The following FGD3 variants were observed in gnomAD, a reference collection of about 807,000 sequenced individuals.
FGD3 encodes FYVE, RhoGEF and PH domain containing 3, also known as FYVE, RhoGEF and PH domain-containing protein 3.
Under a neutral mutation model 71.8 loss-of-function variants are expected in FGD3, and 45 were observed. That is an observed-to-expected ratio of 0.63 (90% CI 0.49 to 0.80). The LOEUF (loss-of-function observed/expected upper bound fraction) is 0.80. Among genes scored for constraint, FGD3 ranks in the 30% least tolerant of loss-of-function variants. The probability of loss-of-function intolerance (pLI) is 0.00; values close to 1 mark genes in which losing one functional copy is unlikely to be tolerated. For synonymous variants in FGD3, 378 were observed against 392.8 expected (o/e 0.96, Z 0.44); for missense variants, 844 against 951.5 (o/e 0.89, Z 1.49).
At chr9:93,029,611 T>G (rs181182190) in intron 14 of FGD3, among the ~76,000 whole-genome samples, 3 of 152,218 alleles carry the variant, frequency 2.0e-5, no homozygotes, top group Non-Finnish European at 4.4e-5. Flanking sequence ...ATAAAGTCAT[T>G]GGCCAAGTTG....
Position 93,004,188 on chromosome 9 carries a change from CA to C in FGD3, c.680+52del, listed in dbSNP as rs1267547714. 3.1e-6 allele frequency: 5 copies of C among 1,605,210 alleles called. No homozygotes were observed. The South Asian group carries it at 5.5e-5, about 18-fold the overall frequency. On this transcript the variant is annotated intron_variant, in intron 5 of 17. Coordinates refer to ENST00000375482, the MANE Select transcript of FGD3 (RefSeq NM_001083536.2). The stretch of plus-strand genomic sequence containing the variant: ...GGGGCCCCTCAAGTGTTCTCTAGAC[CA>C]GGGTTCATGTGCCTGAGAGCGAGGC...
At chr9:93,025,155 C>T (rs1564170008) in intron 14 of FGD3, among the ~76,000 whole-genome samples, 1 of 152,210 alleles carries the variant, frequency 6.6e-6, no homozygotes, top group East Asian at 1.9e-4. Context: ...ACCGCCTGCC[C>T]CACTCCCTTT....
chr9:93,012,910 A>G (rs1004806356), intron 8 of FGD3, among the ~76,000 whole-genome samples: 3 of 151,234 alleles, frequency 2.0e-5, no homozygotes, highest in African/African-American at 7.3e-5. Flanking sequence ...CCCTCCCAGT[A>G]CATTCCAGGT....
At chr9:93,004,348 A>G (rs1475586722) in intron 5 of FGD3, among the ~76,000 whole-genome samples, 2 of 152,228 alleles carry the variant, frequency 1.3e-5, no homozygotes, top group Non-Finnish European at 2.9e-5. Context: ...TTAGTTCCTG[A>G]GAAAGCAGAT....
intron 1 of FGD3, among the ~76,000 whole-genome samples, chr9:92,958,123 C>G (rs1029128951): frequency 6.6e-6 from 1 of 151,536 alleles, no homozygotes; most frequent in South Asian, 2.1e-4. Flanking sequence ...CTCAGTCTCC[C>G]GAGTAGCTGG....
In FGD3 at chr9:92,969,667, G is replaced by A. The variant is rs1294398493; in HGVS notation, c.-217-5571G>A. On this transcript the variant is annotated intron_variant, in intron 1 of 17. Transcript: ENST00000375482. The surrounding 1 kb of genome is among the most constrained non-coding windows in gnomAD (Gnocchi z 4.5). ...GTGCCGTGGTGGGTTTCTTTCAGAT[G>A]GGGGGGGACTCCCGCACGGCCTCCC... Among the ~76,000 whole-genome samples, 1 of 151,732 alleles carries A rather than the reference G, an allele frequency of 6.6e-6. No individual in the cohort carries two copies.
rs375239516 is a variant in FGD3, at chr9:93,010,335, C to T, written c.927C>T (p.Asp309=). ...RVPRYELLLK[D]YLKRLPQDAP... ...CCCGGTACGAGCTGCTGCTCAAGGA[C>T]TATCTGAAGAGGCTCCCGCAGGACG... Residue 309 remains aspartate (D), a synonymous_variant, in exon 7 of 18, where the codon GAC becomes GAT. Transcript: ENST00000375482. The T allele has an allele frequency of 2.5e-6, 4 of 1,613,596 alleles. No individual in the cohort carries two copies. The highest frequency in any genetic ancestry group is 2.7e-5 in the African/African-American group (2 of 74,940).
At position 93,009,889 on chromosome 9, in the gene FGD3, G is replaced by A. The variant is rs559603738; in HGVS notation, c.838-357G>A. Among the ~76,000 whole-genome samples, 19 of 152,338 alleles carry A rather than the reference G, an allele frequency of 1.2e-4. No individual in the cohort carries two copies. The South Asian group carries it at 3.5e-3, about 28-fold the overall frequency. ...TGCCTGATTTCTCAGCAGAGGGGTC[G>A]AAGGAGCCCTGCTTAGGCCCACGGG... On this transcript the variant is annotated intron_variant, in intron 6 of 17. Coordinates refer to ENST00000375482, the MANE Select transcript of FGD3 (RefSeq NM_001083536.2).
intron 16 of FGD3, chr9:93,033,263 C>G (rs1175460081): frequency 6.2e-6 from 2 of 322,518 alleles, no homozygotes; most frequent in South Asian, 2.6e-5. Context: ...GTGAGCAGGG[C>G]CCTGGAGGCA....
intron 8 of FGD3, 145 bp downstream of exon 8, chr9:93,011,417 G>A: frequency 1.0e-6 from 1 of 959,258 alleles, no homozygotes; most frequent in Non-Finnish European, 1.6e-6. Flanking sequence ...CCCATCCCCA[G>A]GGGGGTCAGC....
intron 1 of FGD3, among the ~76,000 whole-genome samples, chr9:92,957,477 T>G (rs191347974): frequency 1.3e-5 from 2 of 152,316 alleles, no homozygotes; most frequent in East Asian, 3.9e-4. Flanking sequence ...CACCAGCTCA[T>G]ATACTTATTG....
At chr9:92,951,128 TCCAACC>T (rs1287493609) in intron 1 of FGD3, among the ~76,000 whole-genome samples, 2 of 152,176 alleles carry the variant, frequency 1.3e-5, no homozygotes, top group Admixed American at 6.5e-5. Context: ...ATGAGGGAAT[TCCAACC>T]GGCCTTTAAG....
intron 1 of FGD3, among the ~76,000 whole-genome samples, chr9:92,964,974 A>G (rs1859261218): frequency 6.6e-6 from 1 of 152,174 alleles, no homozygotes. Flanking sequence ...CCTGTGTAGC[A>G]TGGGGCTGTG....
At chr9:92,973,983 G>C (rs1033936781) in intron 1 of FGD3, among the ~76,000 whole-genome samples, 16 of 152,308 alleles carry the variant, frequency 1.1e-4, no homozygotes, top group African/African-American at 3.6e-4. Flanking sequence ...AATGGTCTCT[G>C]GGCAGTGAGC....
chr9:92,976,381 A>G lies in FGD3; in HGVS notation c.125A>G (p.His42Arg), dbSNP rs767155325. 3.1e-6 allele frequency: 5 copies of G among 1,610,754 alleles called. No homozygotes were observed. Among genetic ancestry groups the G allele is most frequent in the South Asian group, 1.1e-5 (1 of 90,396 alleles). The change falls in exon 3 of 18, where the codon CAC becomes CGC. Residue 42 changes from histidine (H) to arginine (R), a missense_variant. His to Arg is a conservative substitution (Grantham distance 29). Transcript: ENST00000375482. ...LQALPVGPRA[H>R]CGDPVSLAAA... Reference sequence around the variant, plus strand: ...GCGCTCCCTGTTGGGCCCAGAGCCCACTGTGGGGACCCTGTCAGCCTGGCT... The same window carrying G: ...GCGCTCCCTGTTGGGCCCAGAGCCCGCTGTGGGGACCCTGTCAGCCTGGCT...
At position 93,024,163 on chromosome 9, in the gene FGD3, TCA is replaced by T. The variant is rs551752139; in HGVS notation, c.1557+1777_1557+1778del. ...GTGTGAGGCTGGCTGTGCCCCAGACTCACAGAGCTCTTTAGGCCCTTTTCTGG... is the reference window on the plus strand; with the variant it reads ...GTGTGAGGCTGGCTGTGCCCCAGACTCAGAGCTCTTTAGGCCCTTTTCTGG... On this transcript the variant is annotated intron_variant, in intron 14 of 17. Transcript: ENST00000375482. 3.3e-5 allele frequency among the ~76,000 whole-genome samples: 5 copies of T among 152,310 alleles called. No homozygotes were observed. In the South Asian group the frequency reaches 1.0e-3, roughly 32 times the overall value.
chr9:93,023,156 A>G (rs1459330958), intron 14 of FGD3, among the ~76,000 whole-genome samples: 2 of 152,176 alleles, frequency 1.3e-5, no homozygotes, highest in Admixed American at 6.5e-5. Context: ...GTGATTCTCC[A>G]GGTGCCTCGC....
At chr9:93,027,715 CTTTTTTTTT>C (rs1199094054) in intron 14 of FGD3, among the ~76,000 whole-genome samples, 2 of 102,002 alleles carry the variant, frequency 2.0e-5, no homozygotes, top group African/African-American at 4.0e-5. Flanking sequence ...TTCTTTCTTT[CTTTTTTTTT>C]TTTTTTTTTT....
chr9:92,992,612 C>T (rs1465038940), intron 3 of FGD3, among the ~76,000 whole-genome samples: 1 of 152,024 alleles, frequency 6.6e-6, no homozygotes, highest in Non-Finnish European at 1.5e-5. Flanking sequence ...TGGGCCCAAG[C>T]TCTATGCATC....
Sources: gnomAD v4.1 joint callset for allele counts (sites outside exome capture counted in the v4.1 genomes callset) on GRCh38, gnomAD v4.1.1 for gene constraint, Gnocchi (gnomAD v3.1) non-coding constraint, MANE v1.5 for transcripts, NCBI Gene and HGNC (gene_info 2026-07-23, HGNC 2026-07-21) for gene names.